POU2F1: variants seen among roughly 807,000 people sequenced by gnomAD.
POU2F1 encodes POU class 2 homeobox 1.
In POU2F1, 16 loss-of-function variants were observed where a neutral mutation model predicts 84.9. The observed-to-expected ratio is 0.19, with a 90% CI of 0.13 to 0.29. The LOEUF (loss-of-function observed/expected upper bound fraction) is 0.29. Ranked by LOEUF, POU2F1 falls within the 10% of genes least tolerant of loss-of-function variation. The pLI, the probability that POU2F1 is intolerant of heterozygous loss-of-function variation, is 1.00. For synonymous variants in POU2F1, 368 were observed against 368.3 expected (o/e 1.00, Z 0.01); for missense variants, 738 against 942.6 (o/e 0.78, Z 2.84).
chr1:167,353,821 A>G (rs759203404), intron 2 of POU2F1, among the ~76,000 whole-genome samples: 24 of 152,236 alleles, frequency 1.6e-4, no homozygotes, highest in Non-Finnish European at 3.1e-4. Context: ...GCCATAAAGT[A>G]GAATGTTACC....
Position 167,423,510 on chromosome 1 carries a change from A to G in POU2F1, c.*7700A>G, listed in dbSNP as rs898620474. Reference sequence around the variant, plus strand: ...AGCACTTGAAACAGAAGTTCTGGGAAAACAAGGTGTGTGTAATGGAACACC... The same window carrying G: ...AGCACTTGAAACAGAAGTTCTGGGAGAACAAGGTGTGTGTAATGGAACACC... On this transcript the variant is annotated 3_prime_UTR_variant, in exon 16 of 16. Transcript: ENST00000367866. 4 of 152,224 alleles carry G rather than the reference A, an allele frequency of 2.6e-5. No homozygotes were observed. Among genetic ancestry groups the G allele is most frequent in the Non-Finnish European group, 5.9e-5 (4 of 68,042 alleles). 9.4% of individuals were successfully genotyped at this position (152,224 alleles called of 1,614,324 possible).
intron 1 of POU2F1, among the ~76,000 whole-genome samples, chr1:167,302,215 G>T (rs1016230439): frequency 2.0e-5 from 3 of 151,762 alleles, no homozygotes; most frequent in African/African-American, 7.3e-5. Flanking sequence ...TCCTGAGTAG[G>T]TGGGATTACA....
chr1:167,376,200 C>T (rs776043643), intron 7 of POU2F1, 45 bp downstream of exon 7: 46 of 1,588,488 alleles, frequency 2.9e-5, no homozygotes, highest in South Asian at 5.7e-5. Flanking sequence ...CAAGGCTGTT[C>T]GCTGAATGTT....
chr1:167,279,080 CCT>C (rs1292608062), intron 1 of POU2F1, among the ~76,000 whole-genome samples: 1 of 152,090 alleles, frequency 6.6e-6, no homozygotes, highest in Non-Finnish European at 1.5e-5. Flanking sequence ...TCTATTCCCC[CCT>C]GATTATAATG....
intron 1 of POU2F1, among the ~76,000 whole-genome samples, chr1:167,277,981 A>G (rs574191678): frequency 6.6e-6 from 1 of 152,244 alleles, no homozygotes; most frequent in South Asian, 2.1e-4. Context: ...TCCTTGTTAA[A>G]TTTGTTCTGT....
rs545369919 is a variant in POU2F1, at chr1:167,255,670, G to T, written c.61+34712G>T. Among the ~76,000 whole-genome samples, 58 of 152,238 alleles carry T rather than the reference G, an allele frequency of 3.8e-4. No individual in the cohort carries two copies. The South Asian group carries it at 5.8e-3, about 15-fold the overall frequency. ...GAATCCATACAAGAGCAATTCAGAG[G>T]CCTCAACTAAAGGAGTCGCAGTTGG... On this transcript the variant is annotated intron_variant, in intron 1 of 15. Transcript: ENST00000367866.
intron 9 of POU2F1, among the ~76,000 whole-genome samples, chr1:167,392,677 T>G (rs1648512147): frequency 6.6e-6 from 1 of 152,204 alleles, no homozygotes; most frequent in Non-Finnish European, 1.5e-5. Flanking sequence ...TCTGGTGTTT[T>G]GTTTTGTGGT....
At chr1:167,221,383 G>A (rs2102310930) in intron 1 of POU2F1, among the ~76,000 whole-genome samples, 1 of 150,320 alleles carries the variant, frequency 6.7e-6, no homozygotes, top group East Asian at 1.9e-4. Flanking sequence ...ATAGCTGCTG[G>A]GCCGGCGGGG....
chr1:167,298,944 A>G (rs1021205256), intron 1 of POU2F1, among the ~76,000 whole-genome samples: 11 of 152,230 alleles, frequency 7.2e-5, no homozygotes, highest in African/African-American at 2.4e-4. Flanking sequence ...CGGGCGGATC[A>G]CCTGAGGTCG....
intron 1 of POU2F1, among the ~76,000 whole-genome samples, chr1:167,235,590 A>G (rs1649387863): frequency 6.6e-6 from 1 of 152,172 alleles, no homozygotes; most frequent in Admixed American, 6.5e-5. Flanking sequence ...ATTTGTTCCT[A>G]TGTATTGCAG....
intron 1 of POU2F1, among the ~76,000 whole-genome samples, chr1:167,238,106 A>T (rs941760816): frequency 1.3e-5 from 2 of 151,954 alleles, no homozygotes; most frequent in Non-Finnish European, 2.9e-5. Flanking sequence ...TTCTTGAGTA[A>T]GCCCTTGATT....
At chr1:167,320,647 C>T (rs535394861) in intron 1 of POU2F1, among the ~76,000 whole-genome samples, 14 of 152,164 alleles carry the variant, frequency 9.2e-5, no homozygotes, top group South Asian at 4.2e-4. Context: ...AGTCAAAGTC[C>T]GTGAATTAGT....
chr1:167,321,855 A>G (rs1326747588), intron 1 of POU2F1, among the ~76,000 whole-genome samples: 1 of 152,170 alleles, frequency 6.6e-6, no homozygotes, highest in African/African-American at 2.4e-5. Flanking sequence ...TGAGGGCTAT[A>G]TAATTGTTCT....
intron 1 of POU2F1, among the ~76,000 whole-genome samples, chr1:167,240,050 C>A (rs1417445149): frequency 6.6e-6 from 1 of 150,834 alleles, no homozygotes; most frequent in African/African-American, 2.4e-5. Context: ...ATAGATTTAA[C>A]TATATAAAAT....
chr1:167,411,718 T>C (rs1557968979), intron 13 of POU2F1, among the ~76,000 whole-genome samples: 1 of 152,172 alleles, frequency 6.6e-6, no homozygotes, highest in Non-Finnish European at 1.5e-5. Context: ...AAACAGGCAA[T>C]GGAAAACTTC....
chr1:167,415,408 G>C (rs966899797), intron 15 of POU2F1, 92 bp from the exon 16 acceptor site: 10 of 1,408,644 alleles, frequency 7.1e-6, no homozygotes, highest in Non-Finnish European at 8.7e-6. Context: ...TGGGTTGTAG[G>C]AAAATGATAG....
intron 2 of POU2F1, among the ~76,000 whole-genome samples, chr1:167,358,192 G>A (rs533383723): frequency 1.9e-4 from 26 of 135,402 alleles, no homozygotes; most frequent in East Asian, 1.1e-3. Context: ...GCAGTGGCGC[G>A]ATCTCGGCTC....
intron 1 of POU2F1, among the ~76,000 whole-genome samples, chr1:167,297,476 A>G (rs1177871219): frequency 6.6e-6 from 1 of 152,202 alleles, no homozygotes; most frequent in Non-Finnish European, 1.5e-5. Context: ...TTCCTTGTTA[A>G]TAATGTCCAG....
At chr1:167,343,617 A>G (rs1167040253) in intron 2 of POU2F1, among the ~76,000 whole-genome samples, 1 of 145,312 alleles carries the variant, frequency 6.9e-6, no homozygotes, top group Non-Finnish European at 1.5e-5. Flanking sequence ...CAATGGCAAT[A>G]GAAGCCAGGG....
Sources: gnomAD v4.1 joint callset for allele counts (sites outside exome capture counted in the v4.1 genomes callset) on GRCh38, gnomAD v4.1.1 for gene constraint, MANE v1.5 for transcripts, NCBI Gene and HGNC (gene_info 2026-07-23, HGNC 2026-07-21) for gene names.